Variants in MAGI2 observed in about 807,000 individuals in gnomAD.
MAGI2 encodes the protein membrane-associated guanylate kinase, WW and PDZ domain-containing protein 2.
Under a neutral mutation model 133.3 loss-of-function variants are expected in MAGI2, and 35 were observed. That is an observed-to-expected ratio of 0.26 (90% confidence interval 0.20 to 0.35). MAGI2 has a LOEUF of 0.35. Ranked by LOEUF, MAGI2 falls within the 10% of genes least tolerant of loss-of-function variation. MAGI2 has a pLI of 1.00. For synonymous variants in MAGI2, 729 were observed against 710.6 expected, an observed-to-expected ratio of 1.03 and a Z score of -0.41; for missense variants, 1,636 against 1,863.4, an observed-to-expected ratio of 0.88 and a Z score of 2.25.
intron 2 of MAGI2, among the ~76,000 whole-genome samples, chr7:78,709,873 C>T (rs1221421564): frequency 6.6e-6 from 1 of 152,124 alleles, no homozygotes; most frequent in Non-Finnish European, 1.5e-5. Flanking sequence ...TCTGCTCCCT[C>T]ATAACTTCCC....
chr7:78,710,710 C>A (rs928134762), intron 2 of MAGI2, among the ~76,000 whole-genome samples: 1 of 152,084 alleles, frequency 6.6e-6, no homozygotes, highest in African/African-American at 2.4e-5. Flanking sequence ...TGCCGCTTGA[C>A]ACAAAAACAT....
chr7:78,612,507 AACC>A (rs1431498535), intron 3 of MAGI2, among the ~76,000 whole-genome samples: 1 of 152,096 alleles, frequency 6.6e-6, no homozygotes, highest in Non-Finnish European at 1.5e-5. Flanking sequence ...AAAACAAATA[AACC>A]ACATTGTTTT....
chr7:78,327,435 C>T (rs1327614539), intron 9 of MAGI2, among the ~76,000 whole-genome samples: 1 of 152,184 alleles, frequency 6.6e-6, no homozygotes. Context: ...ACAGGCTACC[C>T]CAATTTCAAT....
chr7:78,674,469 T>C (rs1057167848), intron 2 of MAGI2, among the ~76,000 whole-genome samples: 4 of 149,488 alleles, frequency 2.7e-5, no homozygotes, highest in Admixed American at 1.3e-4. Context: ...ACATTCCAAA[T>C]CAGGCAGCTA....
intron 1 of MAGI2, among the ~76,000 whole-genome samples, chr7:79,431,345 G>T (rs1847765806): frequency 6.6e-6 from 1 of 152,114 alleles, no homozygotes; most frequent in African/African-American, 2.4e-5. Flanking sequence ...GGGAAAGAAA[G>T]AAGAGAAAAA....
At chr7:78,500,695 G>A (rs192990912) in intron 5 of MAGI2, among the ~76,000 whole-genome samples, 55 of 152,320 alleles carry the variant, frequency 3.6e-4, no homozygotes, top group African/African-American at 1.3e-3. Context: ...CATAAAAATT[G>A]TAAGCAACTA....
chr7:79,059,819 A>G (rs911760679), intron 1 of MAGI2, among the ~76,000 whole-genome samples: 5 of 152,178 alleles, frequency 3.3e-5, no homozygotes, highest in African/African-American at 1.2e-4. Context: ...TAAAGAACCT[A>G]GTTGATCAGT....
intron 9 of MAGI2, among the ~76,000 whole-genome samples, chr7:78,325,609 C>T (rs1788504176): frequency 6.6e-6 from 1 of 152,186 alleles, no homozygotes; most frequent in Admixed American, 6.5e-5. Context: ...TGTTTTTCTT[C>T]TCATGGTTGT....
intron 1 of MAGI2, among the ~76,000 whole-genome samples, chr7:79,395,437 T>A (rs1419211586): frequency 6.6e-6 from 1 of 152,142 alleles, no homozygotes; most frequent in Non-Finnish European, 1.5e-5. Context: ...CATGGGAAAG[T>A]ATCATCATCC....
At chr7:78,684,189 C>A (rs1388092709) in intron 2 of MAGI2, among the ~76,000 whole-genome samples, 1 of 152,122 alleles carries the variant, frequency 6.6e-6, no homozygotes, top group Non-Finnish European at 1.5e-5. Context: ...GTATTATACT[C>A]ATTATCAATA....
chr7:78,747,440 AG>A (rs1823026476), intron 2 of MAGI2, among the ~76,000 whole-genome samples: 1 of 136,492 alleles, frequency 7.3e-6, no homozygotes, highest in Admixed American at 7.6e-5. Context: ...CAGACATTTT[AG>A]GTATCAGATG....
At chr7:78,430,148 T>A (rs920090432) in intron 6 of MAGI2, among the ~76,000 whole-genome samples, 41 of 151,952 alleles carry the variant, frequency 2.7e-4, no homozygotes, top group African/African-American at 9.4e-4. Flanking sequence ...TCTGCATTTT[T>A]AACAAGTTCT....
At chr7:78,484,538 G>T (rs1584346881) in intron 6 of MAGI2, 1 of 151,934 alleles carries the variant, frequency 6.6e-6, no homozygotes, top group East Asian at 1.9e-4. Flanking sequence ...AACTTAACAG[G>T]TTGAAGGGGG....
chr7:78,733,282 C>A (rs549635180), intron 2 of MAGI2, among the ~76,000 whole-genome samples: 1 of 152,200 alleles, frequency 6.6e-6, no homozygotes, highest in East Asian at 1.9e-4. Context: ...GGGAGTGGGG[C>A]CTTATTCTAC....
In MAGI2 at chr7:78,630,707, G is replaced by A. The variant is rs1013431358; in HGVS notation, c.419-3468C>T. 8.6e-5 allele frequency among the ~76,000 whole-genome samples: 13 copies of A among 152,020 alleles called. No individual in the cohort carries two copies. The South Asian group carries it at 1.2e-3, about 15-fold the overall frequency. On this transcript the variant is annotated intron_variant, in intron 2 of 21. Coordinates refer to ENST00000354212, the MANE Select transcript of MAGI2 (RefSeq NM_012301.4). Reference sequence around the variant, plus strand: ...TGTGATTACAGGCATGAGCCACTGCGCCCGGCTGTGTGTAACTTTTTGATT... The same window carrying A: ...TGTGATTACAGGCATGAGCCACTGCACCCGGCTGTGTGTAACTTTTTGATT...
chr7:78,519,904 C>T (rs904256316), intron 4 of MAGI2, among the ~76,000 whole-genome samples: 19 of 152,228 alleles, frequency 1.2e-4, no homozygotes, highest in African/African-American at 4.1e-4. Context: ...CTGAGTTGTT[C>T]GGCTTCTCAT....
intron 1 of MAGI2, among the ~76,000 whole-genome samples, chr7:79,285,436 T>C (rs1248178387): frequency 6.6e-6 from 1 of 152,070 alleles, no homozygotes; most frequent in African/African-American, 2.4e-5. Flanking sequence ...CTCCATCCAG[T>C]GTGCCTGAGA....
intron 2 of MAGI2, among the ~76,000 whole-genome samples, chr7:78,946,122 ATTG>A (rs1200835870): frequency 5.3e-5 from 8 of 152,296 alleles, no homozygotes; most frequent in Middle Eastern, 3.4e-3. Context: ...AATATTTTAA[ATTG>A]TTGTGAGATT....
intron 1 of MAGI2, among the ~76,000 whole-genome samples, chr7:79,065,731 C>T (rs1379217000): frequency 6.6e-6 from 1 of 152,034 alleles, no homozygotes; most frequent in Non-Finnish European, 1.5e-5. Flanking sequence ...CCCATGAAAT[C>T]CCCAGTGTGT....
Sources: allele counts gnomAD v4.1 joint callset (sites outside exome capture counted in the v4.1 genomes callset), GRCh38; gene constraint gnomAD v4.1.1; transcripts MANE v1.5; gene names NCBI Gene and HGNC (gene_info 2026-07-23, HGNC 2026-07-21).